DGKB: variants seen among roughly 807,000 people sequenced by gnomAD.
DGKB encodes 90 kDa diacylglycerol kinase.
In DGKB, 67 loss-of-function variants were observed where a neutral mutation model predicts 114.3. The ratio of observed to expected loss-of-function variants is 0.59; its 90% CI spans 0.48 to 0.72. The LOEUF (loss-of-function observed/expected upper bound fraction) is 0.72. Ranked by LOEUF, DGKB falls within the 30% of genes least tolerant of loss-of-function variation. The probability of loss-of-function intolerance (pLI) is 0.00; values close to 1 mark genes in which losing one functional copy is unlikely to be tolerated. For missense variants in DGKB, 907 were observed against 975.2 expected, an observed-to-expected ratio of 0.93 and a Z score of 0.93; for synonymous variants, 398 against 323.1, an observed-to-expected ratio of 1.23 and a Z score of -2.49.
intron 2 of DGKB, among the ~76,000 whole-genome samples, chr7:14,781,503 T>A (rs1839084439): frequency 6.6e-6 from 1 of 152,182 alleles, no homozygotes; most frequent in African/African-American, 2.4e-5. Flanking sequence ...CACCTGCTAA[T>A]ATTCTGTCTC....
intron 16 of DGKB, among the ~76,000 whole-genome samples, chr7:14,611,742 A>G (rs114357451): frequency 1.6e-3 from 236 of 151,790 alleles, no homozygotes; most frequent in African/African-American, 5.4e-3. Context: ...AAAATTATTT[A>G]TATGTACTGG....
chr7:14,379,174 G>T (rs1175390737), intron 21 of DGKB, among the ~76,000 whole-genome samples: 1 of 151,868 alleles, frequency 6.6e-6, no homozygotes, highest in African/African-American at 2.4e-5. Context: ...TTTGTAAATG[G>T]AATTCATTTC....
chr7:14,202,371 G>A (rs947318180), intron 23 of DGKB, among the ~76,000 whole-genome samples: 1 of 151,952 alleles, frequency 6.6e-6, no homozygotes. Context: ...TGAGGCTACT[G>A]ATGGAAAGTG....
At chr7:14,786,672 G>A (rs530167552) in intron 2 of DGKB, among the ~76,000 whole-genome samples, 5 of 152,232 alleles carry the variant, frequency 3.3e-5, no homozygotes, top group Non-Finnish European at 5.9e-5. Context: ...TGATTTCCGA[G>A]CAAAGTTGTG....
At chr7:14,262,417 G>A (rs905772266) in intron 23 of DGKB, among the ~76,000 whole-genome samples, 4 of 152,126 alleles carry the variant, frequency 2.6e-5, no homozygotes, top group African/African-American at 9.7e-5. Context: ...CTTCTACTTT[G>A]TGAGGACACA....
At chr7:14,236,594 G>A (rs1047020107) in intron 23 of DGKB, among the ~76,000 whole-genome samples, 1 of 151,826 alleles carries the variant, frequency 6.6e-6, no homozygotes. Context: ...TAGAACTGCT[G>A]GGAAATCTCA....
At chr7:14,756,535 A>T (rs1299865894) in intron 3 of DGKB, among the ~76,000 whole-genome samples, 1 of 152,010 alleles carries the variant, frequency 6.6e-6, no homozygotes, top group Non-Finnish European at 1.5e-5. Context: ...ATTCCAGGCT[A>T]AAGAGTTTTA....
intron 20 of DGKB, among the ~76,000 whole-genome samples, chr7:14,533,972 A>T (rs956536107): frequency 6.6e-6 from 1 of 152,108 alleles, no homozygotes; most frequent in Non-Finnish European, 1.5e-5. Flanking sequence ...CTATGATAGT[A>T]CAAATCTCAC....
At chr7:14,546,436 G>A (rs757477165) in intron 20 of DGKB, among the ~76,000 whole-genome samples, 7 of 152,208 alleles carry the variant, frequency 4.6e-5, no homozygotes, top group Middle Eastern at 3.4e-3. Flanking sequence ...TGAAACAACT[G>A]AGACTTGAGT....
At position 14,510,585 on chromosome 7, in the gene DGKB, T is replaced by C. The variant is rs150553484; in HGVS notation, c.1771-32360A>G. Among the ~76,000 whole-genome samples, 22 of 152,272 alleles carry C rather than the reference T, an allele frequency of 1.4e-4. 1 individual carries two copies. The East Asian group carries it at 4.1e-3, about 28-fold the overall frequency. On this transcript the variant is annotated intron_variant, in intron 20 of 25. Coordinates refer to ENST00000402815, the MANE Select transcript of DGKB (RefSeq NM_001350709.2). ...TCAGAGTCATACATGAGGGTTGGCA[T>C]CAACTTCTTACAAACTCCTGTTACT...
intron 25 of DGKB, among the ~76,000 whole-genome samples, chr7:14,164,094 T>A (rs1562507715): frequency 6.6e-6 from 1 of 152,132 alleles, no homozygotes; most frequent in Non-Finnish European, 1.5e-5. Context: ...AACAGATATC[T>A]ATAGTATTTA....
chr7:14,513,013 T>A (rs183806097), intron 20 of DGKB, among the ~76,000 whole-genome samples: 2 of 152,204 alleles, frequency 1.3e-5, no homozygotes, highest in African/African-American at 4.8e-5. Flanking sequence ...AAAGAAGATA[T>A]GGCATGTAGC....
intron 13 of DGKB, among the ~76,000 whole-genome samples, chr7:14,666,125 A>G (rs1481591004): frequency 1.3e-5 from 2 of 152,066 alleles, no homozygotes; most frequent in Non-Finnish European, 1.5e-5. Flanking sequence ...AGTACCAAAA[A>G]TAAAAGCATG....
intron 2 of DGKB, among the ~76,000 whole-genome samples, chr7:14,808,273 G>A (rs1471403981): frequency 6.6e-6 from 1 of 151,982 alleles, no homozygotes. Context: ...ACAGAAAATA[G>A]CATTATGAAG....
intron 21 of DGKB, among the ~76,000 whole-genome samples, chr7:14,469,162 C>T (rs1780912859): frequency 6.6e-6 from 1 of 151,956 alleles, no homozygotes. Context: ...GAATTTTTCT[C>T]TGGTTTATAT....
chr7:14,761,235 T>A (rs1353793540), intron 2 of DGKB, among the ~76,000 whole-genome samples: 1 of 152,152 alleles, frequency 6.6e-6, no homozygotes, highest in East Asian at 1.9e-4. Context: ...AGGCCCTGAT[T>A]TGACCGGTCA....
intron 2 of DGKB, among the ~76,000 whole-genome samples, chr7:14,796,558 A>T (rs12534645): frequency 6.6e-6 from 1 of 152,134 alleles, no homozygotes; most frequent in African/African-American, 2.4e-5. Context: ...ACAAAAGCAT[A>T]ATCAAAGCAA....
intron 23 of DGKB, among the ~76,000 whole-genome samples, chr7:14,212,887 T>C (rs1788356438): frequency 6.6e-6 from 1 of 152,124 alleles, no homozygotes; most frequent in African/African-American, 2.4e-5. Context: ...TTAGTAAGTA[T>C]TGCCAATTAA....
chr7:14,673,837 A>C (rs1188892643), intron 12 of DGKB, among the ~76,000 whole-genome samples: 2 of 152,080 alleles, frequency 1.3e-5, no homozygotes, highest in Non-Finnish European at 2.9e-5. Context: ...TCCCTCCTGC[A>C]CTATGCATTA....
Sources: gnomAD v4.1 joint callset for allele counts (sites outside exome capture counted in the v4.1 genomes callset) on GRCh38, gnomAD v4.1.1 for gene constraint, MANE v1.5 for transcripts, NCBI Gene and HGNC (gene_info 2026-07-23, HGNC 2026-07-21) for gene names.